The following BCAS3 variants were observed in gnomAD, a reference collection of about 807,000 sequenced individuals.
BCAS3 encodes the protein BCAS4/BCAS3 fusion.
A neutral mutation model predicts 116.1 loss-of-function variants in BCAS3; 53 were observed. The observed-to-expected ratio is 0.46, with a 90% CI of 0.37 to 0.57. The LOEUF (loss-of-function observed/expected upper bound fraction) is 0.57. BCAS3 is among the 20% of genes least tolerant of loss of function. BCAS3 has a pLI of 0.00. For missense variants in BCAS3, 917 were observed against 1,165.4 expected, an observed-to-expected ratio of 0.79 and a Z score of 3.10; for synonymous variants, 391 against 408.2, an observed-to-expected ratio of 0.96 and a Z score of 0.51.
In BCAS3 at chr17:61,377,399, G is replaced by T. The variant is rs865863808; in HGVS notation, c.2593+8905G>T. Among the ~76,000 whole-genome samples the T allele has an allele frequency of 3.9e-5, 6 of 152,300 alleles. No homozygotes were observed. Among genetic ancestry groups the T allele is most frequent in the Admixed American group, 1.3e-4 (2 of 15,298 alleles). ...TTGTGTCTCGGTTCAGTGTCGGATT[G>T]CCTATTCCTAGCTATTTTCCACTGG... On this transcript the variant is annotated intron_variant, in intron 23 of 23. Coordinates refer to ENST00000407086, the MANE Select transcript of BCAS3 (RefSeq NM_017679.5). This position sits in a 1 kb window ranked among gnomAD's most constrained non-coding sequence, Gnocchi z 4.6.
rs2143826581 is a variant in BCAS3 at position 61,124,142 on chromosome 17, C to T, written c.2425+39578C>T. Among the ~76,000 whole-genome samples the T allele has an allele frequency of 6.6e-6, 1 of 151,954 alleles. No homozygotes were observed. Among genetic ancestry groups the T allele is most frequent in the East Asian group, 1.9e-4 (1 of 5,176 alleles). The stretch of plus-strand genomic sequence containing the variant: ...GAGGGAAGTCAGATATCTTTGATCT[C>T]ATTTCTTTTACTCATTTTGTGTTTG... On this transcript the variant is annotated intron_variant, in intron 22 of 23. Transcript: ENST00000407086. This position sits in a 1 kb window ranked among gnomAD's most constrained non-coding sequence, Gnocchi z 4.6.
intron 22 of BCAS3, among the ~76,000 whole-genome samples, chr17:61,311,140 A>T (rs190799538): frequency 2.6e-5 from 4 of 152,330 alleles, no homozygotes; most frequent in Non-Finnish European, 5.9e-5. Context: ...AGTAAATGCT[A>T]TGTAGATGTT....
chr17:61,296,510 C>T (rs893608284), intron 22 of BCAS3, among the ~76,000 whole-genome samples: 8 of 152,050 alleles, frequency 5.3e-5, no homozygotes, highest in African/African-American at 1.9e-4. Context: ...GAAATAGAGC[C>T]CGAATATTGA....
chr17:60,698,029 A>G (rs1018218837), intron 4 of BCAS3, among the ~76,000 whole-genome samples: 11 of 152,108 alleles, frequency 7.2e-5, no homozygotes, highest in Non-Finnish European at 1.0e-4. Flanking sequence ...AATACAAAAA[A>G]TTAGCCAGGC....
intron 22 of BCAS3, among the ~76,000 whole-genome samples, chr17:61,133,859 CAAAAAAAAAAAAA>C (rs11449964): frequency 1.2e-5 from 1 of 81,930 alleles, no homozygotes; most frequent in Admixed American, 1.5e-4. Context: ...CCTGGAATCT[CAAAAAAAAAAAAA>C]AAAAAAAAAA....
intron 14 of BCAS3, among the ~76,000 whole-genome samples, chr17:60,966,536 A>G (rs1477382212): frequency 6.6e-6 from 1 of 152,156 alleles, no homozygotes; most frequent in Non-Finnish European, 1.5e-5. Context: ...GAGACATCTT[A>G]TAATAGATAT....
intron 15 of BCAS3, among the ~76,000 whole-genome samples, chr17:60,997,433 C>T (rs865959319): frequency 4.6e-5 from 7 of 152,226 alleles, no homozygotes; most frequent in African/African-American, 1.4e-4. Flanking sequence ...GAAGCAGGAA[C>T]ATTTAGAGGA....
In BCAS3 at chr17:61,309,665, C is replaced by T. The variant is rs1448280066; in HGVS notation, c.2426-58662C>T. ...CCGTCCCAAGGAAAACACACACATCCAGAAGGCACTGTGAGCAAAGCCTGG... is the reference window on the plus strand; with the variant it reads ...CCGTCCCAAGGAAAACACACACATCTAGAAGGCACTGTGAGCAAAGCCTGG... On this transcript the variant is annotated intron_variant, in intron 22 of 23. Coordinates refer to ENST00000407086, the MANE Select transcript of BCAS3 (RefSeq NM_017679.5). The surrounding 1 kb of genome is among the most constrained non-coding windows in gnomAD (Gnocchi z 4.6). Among the ~76,000 whole-genome samples the T allele has an allele frequency of 6.6e-6, 1 of 152,174 alleles. No individual in the cohort carries two copies. The highest frequency in any genetic ancestry group is 1.9e-4 in the East Asian group (1 of 5,194).
In BCAS3 at chr17:61,034,532, ATTAC is replaced by A; in HGVS notation, c.1638-130_1638-127del. The A allele has an allele frequency of 2.7e-6, 2 of 743,496 alleles. No individual in the cohort carries two copies. Among genetic ancestry groups the A allele is most frequent in the Non-Finnish European group, 4.1e-6 (2 of 484,150 alleles). 46.1% of individuals were successfully genotyped at this position (743,496 alleles called of 1,614,324 possible). A position where few individuals can be genotyped will look rare whatever the true frequency, so the allele number is the denominator to read the frequency against. On this transcript the variant is annotated intron_variant, in intron 16 of 23. Coordinates refer to ENST00000407086, the MANE Select transcript of BCAS3 (RefSeq NM_017679.5). This position sits in a 1 kb window ranked among gnomAD's most constrained non-coding sequence, Gnocchi z 5.0. ...AGAACATAGTCTCACATCACCATTTATTACTTAAGGCAAAATGCATGTTCATACT... is the reference window on the plus strand; with the variant it reads ...AGAACATAGTCTCACATCACCATTTATTAAGGCAAAATGCATGTTCATACT...
chr17:61,015,020 T>C (rs2065355942), intron 15 of BCAS3, among the ~76,000 whole-genome samples: 2 of 152,160 alleles, frequency 1.3e-5, no homozygotes, highest in African/African-American at 4.8e-5. Context: ...TCCTAAGTTC[T>C]TGGATTAAAA....
At chr17:61,197,961 G>C (rs2080583559) in intron 22 of BCAS3, among the ~76,000 whole-genome samples, 1 of 152,132 alleles carries the variant, frequency 6.6e-6, no homozygotes, top group African/African-American at 2.4e-5. Flanking sequence ...TGTGTTAGGT[G>C]TTGGCTCTGA....
At chr17:60,845,824 T>G (rs1429954090) in intron 7 of BCAS3, among the ~76,000 whole-genome samples, 1 of 151,078 alleles carries the variant, frequency 6.6e-6, no homozygotes, top group African/African-American at 2.4e-5. Flanking sequence ...TCACAAAGTC[T>G]CACTTTGTCA....
In BCAS3 at chr17:61,068,179, G is replaced by A. The variant is rs781162670; in HGVS notation, c.2030-6741G>A. 6.6e-6 allele frequency among the ~76,000 whole-genome samples: 1 copy of A among 152,038 alleles called. No homozygotes were observed. The highest frequency in any genetic ancestry group is 1.5e-5 in the Non-Finnish European group (1 of 68,008). On this transcript the variant is annotated intron_variant, in intron 19 of 23. Coordinates refer to ENST00000407086, the MANE Select transcript of BCAS3 (RefSeq NM_017679.5). The surrounding 1 kb of genome is among the most constrained non-coding windows in gnomAD (Gnocchi z 4.3). The stretch of plus-strand genomic sequence containing the variant: ...TTTAGGGTAGCTATTTTGTATCTTG[G>A]TCCATTGAACTTGGATTTGCAAGAT...
chr17:61,120,262 A>T (rs918804354), intron 22 of BCAS3, among the ~76,000 whole-genome samples: 1 of 152,104 alleles, frequency 6.6e-6, no homozygotes, highest in Non-Finnish European at 1.5e-5. Context: ...AATATAGTAC[A>T]GTGATTATAT....
intron 19 of BCAS3, among the ~76,000 whole-genome samples, chr17:61,044,465 A>AAAAAAAAATATATATAT: frequency 1.2e-4 from 15 of 120,114 alleles, no homozygotes; most frequent in African/African-American, 7.5e-4. Flanking sequence ...AAAAAAAAAA[A>AAAAAAAAATATATATAT]ATATATATAT....
chr17:61,191,603 G>A (rs895362545), intron 22 of BCAS3, among the ~76,000 whole-genome samples: 2 of 151,424 alleles, frequency 1.3e-5, no homozygotes, highest in South Asian at 2.1e-4. Flanking sequence ...GTGAAACCCC[G>A]TCTGTACTAA....
Position 61,220,306 on chromosome 17 carries a change from A to AACAAACAAACAG in BCAS3, c.2425+135743_2425+135744insCAAACAAACAGA, listed in dbSNP as rs1234705412. On this transcript the variant is annotated intron_variant, in intron 22 of 23. Coordinates refer to ENST00000407086, the MANE Select transcript of BCAS3 (RefSeq NM_017679.5). This position sits in a 1 kb window ranked among gnomAD's most constrained non-coding sequence, Gnocchi z 4.5. ...GAGACTCCATCTCAAAAAACAAACA[A>AACAAACAAACAG]AAAACAAAAAAACTGAAGTTTTCTC... Among the ~76,000 whole-genome samples the AACAAACAAACAG allele has an allele frequency of 1.3e-5, 2 of 151,708 alleles. No individual in the cohort carries two copies. Among genetic ancestry groups the AACAAACAAACAG allele is most frequent in the Non-Finnish European group, 2.9e-5 (2 of 67,906 alleles).
rs2065882591 is a variant in BCAS3 at position 61,021,620 on chromosome 17, A to G, written c.1637+5719A>G. On this transcript the variant is annotated intron_variant, in intron 16 of 23. Coordinates refer to ENST00000407086, the MANE Select transcript of BCAS3 (RefSeq NM_017679.5). The surrounding 1 kb of genome is among the most constrained non-coding windows in gnomAD (Gnocchi z 4.6). ...GAGTTTCTACCAGTTCTTTGGTCCC[A>G]TTTCTAAGCCTCAGGACTGTTGAGC... Among the ~76,000 whole-genome samples, 1 of 152,156 alleles carries G rather than the reference A, an allele frequency of 6.6e-6. No individual in the cohort carries two copies. Among genetic ancestry groups the G allele is most frequent in the South Asian group, 2.1e-4 (1 of 4,832 alleles).
At chr17:60,780,603 C>G (rs2045740550) in intron 6 of BCAS3, among the ~76,000 whole-genome samples, 1 of 152,076 alleles carries the variant, frequency 6.6e-6, no homozygotes, top group East Asian at 1.9e-4. Flanking sequence ...ACACCCAACC[C>G]TAAAAAGCTT....
Sources: gnomAD v4.1 joint callset for allele counts (sites outside exome capture counted in the v4.1 genomes callset) on GRCh38, gnomAD v4.1.1 for gene constraint, Gnocchi (gnomAD v3.1) non-coding constraint, MANE v1.5 for transcripts, NCBI Gene and HGNC (gene_info 2026-07-23, HGNC 2026-07-21) for gene names.